MYO16: variants seen among roughly 807,000 people sequenced by gnomAD.
MYO16 encodes myosin XVI.
A neutral mutation model predicts 205.3 loss-of-function variants in MYO16; 94 were observed. The ratio of observed to expected loss-of-function variants is 0.46; its 90% CI spans 0.39 to 0.54. MYO16 has a LOEUF of 0.54. MYO16 is among the 20% of genes least tolerant of loss of function. The pLI, the probability that MYO16 is intolerant of heterozygous loss-of-function variation, is 0.00. For synonymous variants in MYO16, 988 were observed against 954.0 expected (o/e 1.04, Z -0.66); for missense variants, 2,315 against 2,387.5 (o/e 0.97, Z 0.63).
Position 108,785,769 on chromosome 13 carries a change from GA to G in MYO16, c.616+33del, listed in dbSNP as rs757622680. On this transcript the variant is annotated intron_variant, in intron 5 of 34. Coordinates refer to ENST00000457511, the MANE Select transcript of MYO16 (RefSeq NM_001198950.3). ...GTAGGCAAAAACTTTTAAAACCATA[GA>G]AAAAAATAGATTGGGAGAATTGTAA... 2.0e-5 allele frequency: 27 copies of G among 1,371,606 alleles called. 1 individual carries two copies. The South Asian group carries it at 2.6e-4, about 13-fold the overall frequency. The allele number at this position is 1,371,606 out of a possible 1,614,324, so 85.0% of individuals were successfully genotyped here.
chr13:108,735,665 G>C (rs1294781781), intron 4 of MYO16, among the ~76,000 whole-genome samples: 4 of 150,362 alleles, frequency 2.7e-5, no homozygotes, highest in Non-Finnish European at 5.9e-5. Context: ...CCCAGTAATG[G>C]TATGGCTGGG....
chr13:108,935,046 T>G (rs1882419873), intron 16 of MYO16, among the ~76,000 whole-genome samples: 2 of 152,094 alleles, frequency 1.3e-5, no homozygotes, highest in African/African-American at 4.8e-5. Context: ...AGTATGAACT[T>G]GGGTAATGTG....
chr13:109,017,494 G>C (rs1885869354), intron 22 of MYO16, among the ~76,000 whole-genome samples: 1 of 152,112 alleles, frequency 6.6e-6, no homozygotes, highest in Admixed American at 6.5e-5. Flanking sequence ...TGTATTTCCT[G>C]AATTTGAATG....
At chr13:108,679,711 C>CAAAAA (rs5806751) in intron 2 of MYO16, among the ~76,000 whole-genome samples, 5 of 136,068 alleles carry the variant, frequency 3.7e-5, no homozygotes, top group Non-Finnish European at 6.4e-5. Context: ...CTTGGTTCTG[C>CAAAAA]AAAAAAAAAA....
upstream of MYO16, among the ~76,000 whole-genome samples, chr13:108,595,770 C>CT (rs1289479190): frequency 1.3e-5 from 2 of 151,208 alleles, no homozygotes; most frequent in Non-Finnish European, 2.9e-5. Flanking sequence ...AAACCTTTAA[C>CT]TTTTTTTATT....
intron 4 of MYO16, among the ~76,000 whole-genome samples, chr13:108,740,353 A>T (rs556111542): frequency 1.2e-4 from 19 of 152,160 alleles, no homozygotes; most frequent in Non-Finnish European, 2.5e-4. Flanking sequence ...TCCTTCTAAC[A>T]GTCAGGACTC....
At chr13:108,952,991 G>A (rs1883214364) in intron 16 of MYO16, among the ~76,000 whole-genome samples, 1 of 152,134 alleles carries the variant, frequency 6.6e-6, no homozygotes, top group African/African-American at 2.4e-5. Context: ...CCACTGTGTT[G>A]AGATTAGTGG....
At chr13:109,084,524 G>T (rs1490980739) in intron 27 of MYO16, among the ~76,000 whole-genome samples, 1 of 152,104 alleles carries the variant, frequency 6.6e-6, no homozygotes, top group Non-Finnish European at 1.5e-5. Flanking sequence ...TACATCACTC[G>T]TGTATATGTA....
At chr13:108,616,475 C>T (rs747197035) in intron 1 of MYO16, among the ~76,000 whole-genome samples, 3 of 152,038 alleles carry the variant, frequency 2.0e-5, no homozygotes, top group East Asian at 1.9e-4. Flanking sequence ...AGCTCTTCCT[C>T]GGCCGTTTAG....
intron 3 of MYO16, among the ~76,000 whole-genome samples, chr13:108,714,389 A>T (rs745721260): frequency 2.6e-5 from 4 of 152,168 alleles, no homozygotes; most frequent in Non-Finnish European, 4.4e-5. Context: ...AGTTATCAGC[A>T]TGTTTGCACG....
At chr13:108,919,819 C>T (rs562256793) in intron 16 of MYO16, among the ~76,000 whole-genome samples, 4 of 152,338 alleles carry the variant, frequency 2.6e-5, no homozygotes, top group East Asian at 3.9e-4. Flanking sequence ...CAAACATTCA[C>T]GTATGACTCA....
chr13:108,699,088 C>T (rs1883197802), intron 2 of MYO16, among the ~76,000 whole-genome samples: 3 of 140,998 alleles, frequency 2.1e-5, no homozygotes, highest in Middle Eastern at 3.6e-3. Context: ...CTCTCTCTCT[C>T]TCTCTCTCTA....
chr13:108,608,540 T>C (rs1879047450), intron 1 of MYO16, among the ~76,000 whole-genome samples: 1 of 152,186 alleles, frequency 6.6e-6, no homozygotes, highest in African/African-American at 2.4e-5. Flanking sequence ...TTTTTCACAA[T>C]TGCTATATGT....
At chr13:108,693,152 A>C (rs1409909825) in intron 2 of MYO16, among the ~76,000 whole-genome samples, 1 of 152,196 alleles carries the variant, frequency 6.6e-6, no homozygotes, top group Admixed American at 6.5e-5. Context: ...AATGATAATA[A>C]ATAATATATG....
At chr13:108,517,475 T>C in the MYO16 span, among the ~76,000 whole-genome samples, 1 of 152,208 alleles carries the variant, frequency 6.6e-6, no homozygotes, top group Non-Finnish European at 1.5e-5. Flanking sequence ...ATGGTGCATG[T>C]TCAGAATGTC....
chr13:108,861,095 G>A (rs1878429900), intron 11 of MYO16, among the ~76,000 whole-genome samples: 1 of 152,018 alleles, frequency 6.6e-6, no homozygotes, highest in African/African-American at 2.4e-5. Context: ...AACAAACAAG[G>A]TAATATACAA....
rs150270466 is a variant in MYO16, at chr13:108,858,444, T to G, written c.1359+2891T>G. On this transcript the variant is annotated intron_variant, in intron 11 of 34. Coordinates refer to ENST00000457511, the MANE Select transcript of MYO16 (RefSeq NM_001198950.3). The stretch of plus-strand genomic sequence containing the variant: ...TGCACGTCTCATGGCCTTTCCTCCC[T>G]GGCTCATGGCAGCCCCACTCTTGTC... Among the ~76,000 whole-genome samples, 8 of 152,278 alleles carry G rather than the reference T, an allele frequency of 5.3e-5. No individual in the cohort carries two copies. The South Asian group carries it at 1.7e-3, about 32-fold the overall frequency.
intron 20 of MYO16, among the ~76,000 whole-genome samples, chr13:108,972,487 T>G (rs12864208): frequency 0.021 from 2,993 of 141,598 alleles, 104 homozygotes; most frequent in African/African-American, 0.074. Context: ...ACTCACATGG[T>G]GGACACCCAA....
chr13:108,558,522 A>G, the MYO16 span, among the ~76,000 whole-genome samples: 1 of 152,220 alleles, frequency 6.6e-6, no homozygotes, highest in African/African-American at 2.4e-5. Context: ...GTAGGGTTCT[A>G]TCAGGTACTT....
Sources: gnomAD v4.1 joint callset for allele counts (sites outside exome capture counted in the v4.1 genomes callset) on GRCh38, gnomAD v4.1.1 for gene constraint, MANE v1.5 for transcripts, NCBI Gene and HGNC (gene_info 2026-07-23, HGNC 2026-07-21) for gene names.